PIK3R3: variants seen among roughly 807,000 people sequenced by gnomAD.
The protein encoded by PIK3R3 is phosphatidylinositol 3-kinase regulatory subunit gamma.
A neutral mutation model predicts 62.9 loss-of-function variants in PIK3R3; 64 were observed. The observed-to-expected ratio is 1.02, with a 90% CI of 0.83 to 1.25. The LOEUF (loss-of-function observed/expected upper bound fraction) is 1.25, where lower values mean the gene tolerates loss of function less well. Ranked by LOEUF, PIK3R3 falls within the 50% of genes most tolerant of loss-of-function variation. PIK3R3 has a pLI of 0.00. For synonymous variants in PIK3R3, 165 were observed against 189.0 expected, an observed-to-expected ratio of 0.87 and a Z score of 1.04; for missense variants, 614 against 561.6, an observed-to-expected ratio of 1.09 and a Z score of -0.94.
the PIK3R3 span, among the ~76,000 whole-genome samples, chr1:46,164,237 G>T: frequency 6.6e-6 from 1 of 152,120 alleles, no homozygotes; most frequent in Non-Finnish European, 1.5e-5. Flanking sequence ...CCCTGTCTCA[G>T]TGAATAGCAC....
upstream of PIK3R3, among the ~76,000 whole-genome samples, chr1:46,134,337 A>G (rs1655850395): frequency 6.6e-6 from 1 of 152,362 alleles, no homozygotes; most frequent in African/African-American, 2.4e-5. Context: ...TCCTGAGGGC[A>G]GACAGTCAAA....
intron 2 of PIK3R3, 45 bp downstream of exon 2, chr1:46,080,597 G>C: frequency 7.8e-7 from 1 of 1,289,746 alleles, no homozygotes; most frequent in Non-Finnish European, 1.1e-6. Flanking sequence ...TCTCAAAAAT[G>C]ACTTTTTAAA....
rs1557640243 is a variant in PIK3R3, at chr1:46,129,406, TTTA to T, written c.106+2438_106+2440del. On this transcript the variant is annotated intron_variant, in intron 1 of 9. Coordinates refer to ENST00000262741, the MANE Select transcript of PIK3R3 (RefSeq NM_003629.4). ...GAGGGTAAGCAATTGGGGGATTTTA[TTTA>T]TTTATTTATTTATTTATTTATTTAT... is the stretch of plus-strand genomic sequence containing the variant. 0.011 allele frequency among the ~76,000 whole-genome samples: 858 copies of T among 80,228 alleles called. 14 individuals carry two copies. The East Asian group carries it at 0.14, about 13-fold the overall frequency. 52.6% of individuals were successfully genotyped at this position (80,228 alleles called of 152,430 possible).
At chr1:46,058,181 G>A (rs1648118871) in intron 6 of PIK3R3, among the ~76,000 whole-genome samples, 2 of 152,236 alleles carry the variant, frequency 1.3e-5, no homozygotes, top group African/African-American at 2.4e-5. Context: ...ATGTGGCATT[G>A]AGCCTGCAGG....
intron 1 of PIK3R3, among the ~76,000 whole-genome samples, chr1:46,113,157 T>C (rs1653883938): frequency 6.6e-6 from 1 of 152,140 alleles, no homozygotes. Flanking sequence ...CTGTACTCTC[T>C]TCCCTACTTA....
intron 5 of PIK3R3, among the ~76,000 whole-genome samples, chr1:46,064,644 T>C (rs1052912428): frequency 2.6e-5 from 4 of 151,964 alleles, no homozygotes; most frequent in Admixed American, 2.6e-4. Context: ...AAATTAGAAA[T>C]AAATATTTGA....
At chr1:46,053,154 GCTGT>G (rs1346699617) in intron 7 of PIK3R3, among the ~76,000 whole-genome samples, 1 of 151,938 alleles carries the variant, frequency 6.6e-6, no homozygotes, top group Non-Finnish European at 1.5e-5. Flanking sequence ...AGAGGTAATG[GCTGT>G]CTGTGTCTCC....
At chr1:46,158,233 GCTCT>G in the PIK3R3 span, among the ~76,000 whole-genome samples, 1 of 152,118 alleles carries the variant, frequency 6.6e-6, no homozygotes, top group Non-Finnish European at 1.5e-5. Context: ...GTGTCCAATG[GCTCT>G]CTATCATTCT....
intron 3 of PIK3R3, among the ~76,000 whole-genome samples, chr1:46,069,927 G>A (rs1398559645): frequency 2.6e-5 from 4 of 152,182 alleles, no homozygotes; most frequent in Non-Finnish European, 2.9e-5. Flanking sequence ...TGATAATTAG[G>A]TTTGGCAAAG....
At chr1:46,138,054 T>C in the PIK3R3 span, among the ~76,000 whole-genome samples, 1 of 152,236 alleles carries the variant, frequency 6.6e-6, no homozygotes, top group African/African-American at 2.4e-5. Context: ...TTTTATCAGC[T>C]GTGAATTGTT....
rs202055317 is a variant in PIK3R3, at chr1:46,046,018, T to C, written c.1087A>G (p.Ile363Val). 7.4e-6 allele frequency: 12 copies of C among 1,611,982 alleles called. No individual in the cohort carries two copies. The highest frequency in any genetic ancestry group is 1.7e-5 in the Admixed American group (1 of 59,970). ...AAGTCCTCTGCTTGTACTCGATTGA[T>C]ATCCTCAACAAACCAGGTTTTCTCA... ...YDEKTWFVED[I>V]NRVQAEDLLY... Residue 363 changes from isoleucine to valine, a missense_variant, in exon 9 of 10, where the codon ATC becomes GTC. Physicochemically the swap from Ile to Val is conservative, Grantham distance 29. Transcript: ENST00000262741.
upstream of PIK3R3, among the ~76,000 whole-genome samples, chr1:46,135,167 G>T (rs1160409470): frequency 6.6e-6 from 1 of 152,144 alleles, no homozygotes; most frequent in East Asian, 1.9e-4. Context: ...TCACCAAACT[G>T]CCCCAGGCTC....
chr1:46,158,910 A>AC, the PIK3R3 span, among the ~76,000 whole-genome samples: 4 of 150,660 alleles, frequency 2.7e-5, no homozygotes, highest in Non-Finnish European at 4.4e-5. Flanking sequence ...ATATGGTGAC[A>AC]CCCCGTCTCT....
chr1:46,140,692 T>A, the PIK3R3 span, among the ~76,000 whole-genome samples: 7 of 152,194 alleles, frequency 4.6e-5, no homozygotes, highest in African/African-American at 1.7e-4. Flanking sequence ...AAGAATTGCT[T>A]GCAACCCCCA....
At position 46,109,802 on chromosome 1, in the gene PIK3R3, C is replaced by T. The variant is rs774969441; in HGVS notation, c.106+22045G>A. On this transcript the variant is annotated intron_variant, in intron 1 of 9. Coordinates refer to ENST00000262741, the MANE Select transcript of PIK3R3 (RefSeq NM_003629.4). ...CGACCAATCTCCTGGTTCTTTTCCA[C>T]CCTTCTCTGCTTCTTTTGAGTTTCA... 2.8e-4 allele frequency among the ~76,000 whole-genome samples: 42 copies of T among 152,214 alleles called. 1 individual carries two copies. The Middle Eastern group carries it at 0.034, about 123-fold the overall frequency.
the PIK3R3 span, among the ~76,000 whole-genome samples, chr1:46,143,528 C>T: frequency 2.0e-5 from 3 of 152,090 alleles, no homozygotes; most frequent in African/African-American, 7.2e-5. Flanking sequence ...ACTGCAGCCT[C>T]GACCTTGACT....
intron 1 of PIK3R3, among the ~76,000 whole-genome samples, chr1:46,107,530 G>A (rs971466211): frequency 6.6e-6 from 1 of 152,140 alleles, no homozygotes; most frequent in African/African-American, 2.4e-5. Flanking sequence ...ACTCCAGCCT[G>A]GGTGACAGAG....
chr1:46,052,567 A>G (rs1471718433), intron 7 of PIK3R3, among the ~76,000 whole-genome samples: 1 of 152,184 alleles, frequency 6.6e-6, no homozygotes, highest in Non-Finnish European at 1.5e-5. Context: ...AACCCCACTC[A>G]TATCAAGATT....
At chr1:46,092,653 G>T (rs557400170) in intron 1 of PIK3R3, among the ~76,000 whole-genome samples, 157 of 152,186 alleles carry the variant, frequency 1.0e-3, no homozygotes, top group African/African-American at 3.4e-3. Context: ...GTGAGCCACC[G>T]CGCTTGGCCC....
Sources: allele counts gnomAD v4.1 joint callset (sites outside exome capture counted in the v4.1 genomes callset), GRCh38; gene constraint gnomAD v4.1.1; transcripts MANE v1.5; gene names NCBI Gene and HGNC (gene_info 2026-07-23, HGNC 2026-07-21).